Variants in CAGE1 observed in about 807,000 individuals in gnomAD.
CAGE1 encodes the protein cancer antigen 1, also known as cancer-associated gene 1 protein.
CAGE1 carries 66 observed loss-of-function variants against 94.9 expected under a neutral mutation model. That is an observed-to-expected ratio of 0.70 (90% CI 0.57 to 0.85). The LOEUF (loss-of-function observed/expected upper bound fraction) is 0.85, where lower values mean the gene tolerates loss of function less well. CAGE1 is among the 40% of genes least tolerant of loss of function. CAGE1 has a pLI of 0.00. For synonymous variants in CAGE1, 319 were observed against 321.0 expected, an observed-to-expected ratio of 0.99 and a Z score of 0.07; for missense variants, 865 against 950.4, an observed-to-expected ratio of 0.91 and a Z score of 1.18.
intron 11 of CAGE1, among the ~76,000 whole-genome samples, chr6:7,345,914 G>A (rs545919363): frequency 2.6e-5 from 4 of 151,926 alleles, no homozygotes; most frequent in African/African-American, 9.7e-5. Flanking sequence ...GACAGAACGA[G>A]AGTCCATCTC....
chr6:7,348,917 A>C (rs1029025412), intron 11 of CAGE1, among the ~76,000 whole-genome samples: 3 of 152,234 alleles, frequency 2.0e-5, no homozygotes, highest in Non-Finnish European at 4.4e-5. Flanking sequence ...GGGATATGTT[A>C]AACGACCAAA....
intron 9 of CAGE1, among the ~76,000 whole-genome samples, chr6:7,363,414 TC>T (rs1760223526): frequency 6.6e-6 from 1 of 152,238 alleles, no homozygotes; most frequent in Admixed American, 6.5e-5. Flanking sequence ...CTCACAAATG[TC>T]TTTTTATAGT....
chr6:7,330,875 G>C (rs1398383049), intron 12 of CAGE1, among the ~76,000 whole-genome samples: 2 of 152,164 alleles, frequency 1.3e-5, no homozygotes, highest in Non-Finnish European at 2.9e-5. Context: ...CCAAATATAA[G>C]TAAACAGAGG....
intron 11 of CAGE1, 81 bp from the exon 12 acceptor site, chr6:7,334,171 T>C (rs1047756444): frequency 3.7e-6 from 3 of 808,182 alleles, no homozygotes; most frequent in Non-Finnish European, 5.9e-6. Context: ...TGGAGGATTT[T>C]AGTAGGTAAA....
intron 3 of CAGE1, among the ~76,000 whole-genome samples, chr6:7,385,309 C>CA (rs1554140248): frequency 6.8e-6 from 1 of 147,586 alleles, no homozygotes; most frequent in East Asian, 2.0e-4. Flanking sequence ...CTGGCCCCCG[C>CA]TTTTTTTTTT....
intron 11 of CAGE1, among the ~76,000 whole-genome samples, chr6:7,348,531 A>G (rs1220723905): frequency 6.6e-6 from 1 of 152,132 alleles, no homozygotes; most frequent in Non-Finnish European, 1.5e-5. Flanking sequence ...CCAAAATCAC[A>G]CTAGCTCACC....
At chr6:7,346,044 ATG>A (rs67066962) in intron 11 of CAGE1, among the ~76,000 whole-genome samples, 4 of 152,184 alleles carry the variant, frequency 2.6e-5, no homozygotes, top group Non-Finnish European at 5.9e-5. Context: ...TGTTCTGATG[ATG>A]TGTGTATTTG....
At chr6:7,331,181 C>A in intron 12 of CAGE1, 1 of 288,658 alleles carries the variant, frequency 3.5e-6, no homozygotes, top group Non-Finnish European at 6.9e-6. Flanking sequence ...TTGGAAATAA[C>A]GTACATTTCC....
chr6:7,364,958 G>C (rs949721004), intron 9 of CAGE1, among the ~76,000 whole-genome samples: 7 of 152,120 alleles, frequency 4.6e-5, no homozygotes, highest in East Asian at 3.9e-4. Flanking sequence ...ATGTTAATTA[G>C]TCGTTTTCAT....
chr6:7,368,381 G>A (rs1760424619), intron 7 of CAGE1, among the ~76,000 whole-genome samples: 1 of 151,890 alleles, frequency 6.6e-6, no homozygotes, highest in African/African-American at 2.4e-5. Flanking sequence ...AAAGGATGAA[G>A]TTTGAAATCA....
chr6:7,345,049 G>T (rs573972601), intron 11 of CAGE1, among the ~76,000 whole-genome samples: 2 of 152,138 alleles, frequency 1.3e-5, no homozygotes, highest in African/African-American at 2.4e-5. Flanking sequence ...GCCAGCAGCG[G>T]CAGATGGCTG....
chr6:7,328,425 G>C (rs2113331756), intron 13 of CAGE1, among the ~76,000 whole-genome samples: 1 of 152,320 alleles, frequency 6.6e-6, no homozygotes, highest in South Asian at 2.1e-4. Flanking sequence ...AAGCTTCAGA[G>C]AGGAGGCAGA....
intron 11 of CAGE1, among the ~76,000 whole-genome samples, chr6:7,345,575 C>T (rs1360813690): frequency 5.3e-5 from 8 of 152,164 alleles, no homozygotes; most frequent in Admixed American, 1.3e-4. Context: ...TTTAGAAAAA[C>T]AATGTCACTA....
At chr6:7,377,428 T>C (rs1469580381) in intron 4 of CAGE1, among the ~76,000 whole-genome samples, 1 of 152,162 alleles carries the variant, frequency 6.6e-6, no homozygotes, top group Non-Finnish European at 1.5e-5. Flanking sequence ...GTCATAGTGT[T>C]TCCCATCAAA....
At chr6:7,327,697 G>C (rs1758582456) in intron 13 of CAGE1, among the ~76,000 whole-genome samples, 2 of 152,132 alleles carry the variant, frequency 1.3e-5, no homozygotes, top group Non-Finnish European at 2.9e-5. Context: ...TTGGGAGGCT[G>C]AGGCAGGCGG....
chr6:7,331,638 C>T, intron 12 of CAGE1: 1 of 248,820 alleles, frequency 4.0e-6, no homozygotes, highest in South Asian at 7.8e-5. Flanking sequence ...GATAGAACTT[C>T]AGAGCGGGGG....
chr6:7,347,528 TGG>T (rs1561853768), intron 11 of CAGE1: 2 of 17,684 alleles, frequency 1.1e-4, no homozygotes. Context: ...GGGGGGGCGG[TGG>T]GGGAACTTTG....
rs1175885297 is a variant in CAGE1 at position 7,362,940 on chromosome 6, A to G, written c.2193+2528T>C. On this transcript the variant is annotated intron_variant, in intron 9 of 13. Coordinates refer to ENST00000502583, the MANE Select transcript of CAGE1 (RefSeq NM_001170692.2). This position sits in a 1 kb window ranked among gnomAD's most constrained non-coding sequence, Gnocchi z 4.1. ...ACTTTAAAGCAAACCTTGCCATCAT[A>G]TTAATTCACTCATAAATACTTTTCA... Among the ~76,000 whole-genome samples, 1 of 152,098 alleles carries G rather than the reference A, an allele frequency of 6.6e-6. No individual in the cohort carries two copies. Among genetic ancestry groups the G allele is most frequent in the Non-Finnish European group, 1.5e-5 (1 of 68,026 alleles).
At chr6:7,338,836 C>A in intron 11 of CAGE1, 1 of 1,129,690 alleles carries the variant, frequency 8.9e-7, no homozygotes, top group African/African-American at 1.5e-5. Flanking sequence ...CAAGGAGATC[C>A]TGTTATGCTG....
Sources: gnomAD v4.1 joint callset for allele counts (sites outside exome capture counted in the v4.1 genomes callset) on GRCh38, gnomAD v4.1.1 for gene constraint, Gnocchi (gnomAD v3.1) non-coding constraint, MANE v1.5 for transcripts, NCBI Gene and HGNC (gene_info 2026-07-23, HGNC 2026-07-21) for gene names.